SMARCA2: variants seen among roughly 807,000 people sequenced by gnomAD.
SMARCA2 encodes SWI/SNF related BAF chromatin remodeling complex subunit ATPase 2.
In SMARCA2, 61 loss-of-function variants were observed where a neutral mutation model predicts 199.8. The observed-to-expected ratio is 0.31, with a 90% confidence interval of 0.25 to 0.38. The LOEUF is 0.38. Among genes scored for constraint, SMARCA2 ranks in the 10% least tolerant of loss-of-function variants. The pLI, the probability that SMARCA2 is intolerant of heterozygous loss-of-function variation, is 1.00. For synonymous variants in SMARCA2, 935 were observed against 732.0 expected, an observed-to-expected ratio of 1.28 and a Z score of -4.48; for missense variants, 1,344 against 2,012.2, an observed-to-expected ratio of 0.67 and a Z score of 6.35.
chr9:2,159,987 A>G lies in SMARCA2; in HGVS notation c.3982-1699A>G, dbSNP rs548123666. The G allele has an allele frequency of 8.4e-5, 130 of 1,541,008 alleles. No homozygotes were observed. In the African/African-American group the frequency reaches 1.7e-3, roughly 20 times the overall value. ...GGCATGTGTAGGTGTGTAACACATCAAAAGCCGGTGTTCTCCGTATTTCTG... is the reference window on the plus strand; with the variant it reads ...GGCATGTGTAGGTGTGTAACACATCGAAAGCCGGTGTTCTCCGTATTTCTG... On this transcript the variant is annotated intron_variant, in intron 27 of 33. Transcript: ENST00000349721.
chr9:2,108,699 G>A (rs1005180503), intron 23 of SMARCA2, among the ~76,000 whole-genome samples: 1 of 152,170 alleles, frequency 6.6e-6, no homozygotes, highest in Non-Finnish European at 1.5e-5. Context: ...AGATGATAGA[G>A]AAGGTTTCAC....
At chr9:2,069,369 A>C (rs1820989908) in intron 9 of SMARCA2, among the ~76,000 whole-genome samples, 1 of 151,090 alleles carries the variant, frequency 6.6e-6, no homozygotes, top group Non-Finnish European at 1.5e-5. Context: ...ATCGTGGCTA[A>C]CACGGTGAAA....
chr9:2,134,916 C>A (rs935032503), intron 27 of SMARCA2, among the ~76,000 whole-genome samples: 1 of 152,042 alleles, frequency 6.6e-6, no homozygotes, highest in Admixed American at 6.5e-5. Context: ...TTCCAGCCTC[C>A]GAAACTGAGA....
At chr9:2,132,902 T>A (rs1178101733) in intron 27 of SMARCA2, among the ~76,000 whole-genome samples, 2 of 152,246 alleles carry the variant, frequency 1.3e-5, no homozygotes, top group South Asian at 2.1e-4. Context: ...CCATTGGACT[T>A]AACATTTCCC....
At chr9:2,026,957 A>G (rs1056033280) in intron 1 of SMARCA2, among the ~76,000 whole-genome samples, 2 of 152,158 alleles carry the variant, frequency 1.3e-5, no homozygotes, top group Admixed American at 6.5e-5. Flanking sequence ...TGTTGTTTAG[A>G]AGCCACTTGT....
At chr9:2,076,185 C>T (rs182280873) in intron 12 of SMARCA2, 44 bp from the exon 13 acceptor site, 10 of 1,060,166 alleles carry the variant, frequency 9.4e-6, no homozygotes, top group Middle Eastern at 2.0e-4. Context: ...TAGAGATTTC[C>T]TTGTTAAAAT....
intron 29 of SMARCA2, among the ~76,000 whole-genome samples, chr9:2,173,701 A>T (rs1029139845): frequency 1.1e-4 from 17 of 151,394 alleles, no homozygotes; most frequent in Non-Finnish European, 2.9e-5. Flanking sequence ...TAGCCTTCCT[A>T]CTCCTTCTTG....
chr9:2,142,880 A>T (rs1413406770), intron 27 of SMARCA2, among the ~76,000 whole-genome samples: 2 of 152,216 alleles, frequency 1.3e-5, no homozygotes, highest in Non-Finnish European at 2.9e-5. Flanking sequence ...GGTAAACAAT[A>T]AAGACTTAAT....
At chr9:2,117,422 T>C (rs1388762361) in intron 25 of SMARCA2, among the ~76,000 whole-genome samples, 2 of 152,252 alleles carry the variant, frequency 1.3e-5, no homozygotes, top group African/African-American at 4.8e-5. Flanking sequence ...AAATTATTTA[T>C]AGTTTCTGAT....
chr9:2,167,758 T>G (rs1826006450), intron 28 of SMARCA2, among the ~76,000 whole-genome samples: 1 of 152,244 alleles, frequency 6.6e-6, no homozygotes, highest in Non-Finnish European at 1.5e-5. Flanking sequence ...TTAGAAATAT[T>G]TCCTTCATTG....
chr9:2,145,229 G>T (rs1000482018), intron 27 of SMARCA2, among the ~76,000 whole-genome samples: 2 of 151,544 alleles, frequency 1.3e-5, no homozygotes, highest in Admixed American at 1.3e-4. Flanking sequence ...TCCAAACTCG[G>T]GAGGCGGAGG....
intron 3 of SMARCA2, among the ~76,000 whole-genome samples, chr9:2,035,611 G>A (rs769315299): frequency 6.6e-5 from 10 of 152,160 alleles, no homozygotes; most frequent in Non-Finnish European, 1.5e-4. Flanking sequence ...ATGATATCTA[G>A]CTAGCACATG....
chr9:2,085,950 G>A (rs1821786103), intron 17 of SMARCA2: 1 of 152,258 alleles, frequency 6.6e-6, no homozygotes, highest in Non-Finnish European at 1.5e-5. Flanking sequence ...GGTAAGGTAT[G>A]AGAGAGGGAA....
intron 27 of SMARCA2, among the ~76,000 whole-genome samples, chr9:2,133,655 A>T (rs1166090919): frequency 6.6e-6 from 1 of 152,040 alleles, no homozygotes; most frequent in Admixed American, 6.6e-5. Flanking sequence ...TTAAAAAAAA[A>T]AAAAAAGTCT....
chr9:2,188,385 A>G (rs954684052), intron 32 of SMARCA2, among the ~76,000 whole-genome samples: 3 of 152,046 alleles, frequency 2.0e-5, no homozygotes, highest in African/African-American at 7.2e-5. Context: ...CTCAACATAC[A>G]TAAGCGACTC....
At chr9:2,026,407 C>G (rs935648044) in intron 1 of SMARCA2, among the ~76,000 whole-genome samples, 1 of 152,040 alleles carries the variant, frequency 6.6e-6, no homozygotes, top group Non-Finnish European at 1.5e-5. Context: ...CCCTCTAAGA[C>G]GTTTTTAATA....
At chr9:2,158,031 C>A in intron 27 of SMARCA2, 1 of 393,180 alleles carries the variant, frequency 2.5e-6, no homozygotes, top group Non-Finnish European at 4.5e-6. Context: ...GCTGTCAGAA[C>A]GTGCACGCCG....
intron 27 of SMARCA2, among the ~76,000 whole-genome samples, chr9:2,145,008 T>C (rs1040508722): frequency 6.6e-6 from 1 of 152,134 alleles, no homozygotes; most frequent in African/African-American, 2.4e-5. Context: ...CTAGTAAACT[T>C]AGAGAAACGC....
intron 28 of SMARCA2, among the ~76,000 whole-genome samples, chr9:2,168,003 T>C (rs1174381267): frequency 6.6e-6 from 1 of 151,348 alleles, no homozygotes; most frequent in Non-Finnish European, 1.5e-5. Context: ...TAATAATATT[T>C]ACCTGGGGAA....
Sources: gnomAD v4.1 joint callset for allele counts (sites outside exome capture counted in the v4.1 genomes callset) on GRCh38, gnomAD v4.1.1 for gene constraint, MANE v1.5 for transcripts, NCBI Gene and HGNC (gene_info 2026-07-23, HGNC 2026-07-21) for gene names.